BAG5: variants seen among roughly 807,000 people sequenced by gnomAD.
The protein encoded by BAG5 is BAG cochaperone 5, also known as BAG family molecular chaperone regulator 5.
Under a neutral mutation model 31.8 loss-of-function variants are expected in BAG5, and 25 were observed. That is an observed-to-expected ratio of 0.79 (90% CI 0.57 to 1.10). The LOEUF is 1.10. Among genes scored for constraint, BAG5 ranks in the 50% least tolerant of loss-of-function variants. The pLI is 0.00. For missense variants in BAG5, 491 were observed against 527.9 expected, an observed-to-expected ratio of 0.93 and a Z score of 0.68; for synonymous variants, 208 against 205.0, an observed-to-expected ratio of 1.01 and a Z score of -0.13.
intron 1 of BAG5, 142 bp from the exon 2 acceptor site, chr14:103,561,334 G>A: frequency 1.2e-6 from 1 of 817,632 alleles, no homozygotes. Context: ...CCAGTAGCTG[G>A]GTCTACAGTC....
chr14:103,557,623 T>C lies in BAG5; in HGVS notation c.*2198A>G, dbSNP rs1461528027. 1 of 152,200 alleles carries C rather than the reference T, an allele frequency of 6.6e-6. No homozygotes were observed. The highest frequency in any genetic ancestry group is 2.4e-5 in the African/African-American group (1 of 41,450). The allele number at this position is 152,200 out of a possible 1,614,324, so 9.4% of individuals were successfully genotyped here. On this transcript the variant is annotated 3_prime_UTR_variant, in exon 2 of 2. Coordinates refer to ENST00000299204, the MANE Select transcript of BAG5 (RefSeq NM_001015048.3). ...TACAAAATGAAATTTAAAATGTAAG[T>C]AGTACTCTGGGGAAGAATATGCCTG...
At chr14:103,562,286 G>A (rs1477574809) in intron 1 of BAG5, 3 of 439,974 alleles carry the variant, frequency 6.8e-6, no homozygotes, top group East Asian at 9.0e-5. Context: ...AGCCGCTCCG[G>A]GCGTCTTGGC....
At position 103,561,997 on chromosome 14, in the gene BAG5, T is replaced by C. The variant is rs115028071; in HGVS notation, c.-29+619A>G. 2,160 of 1,613,100 alleles carry C rather than the reference T, an allele frequency of 1.3e-3. 31 individuals are homozygous for C. In the African/African-American group the frequency reaches 0.024, roughly 18 times the overall value. ...CGGCTCGCTCAAGGTGGGTAACCAA[T>C]GGAAACGCATAATCTATCCCCGGCG... On this transcript the variant is annotated intron_variant, in intron 1 of 1. Transcript: ENST00000299204.
At position 103,559,657 on chromosome 14, in the gene BAG5, AT is replaced by A; in HGVS notation, c.*163del. On this transcript the variant is annotated 3_prime_UTR_variant, in exon 2 of 2. Coordinates refer to ENST00000299204, the MANE Select transcript of BAG5 (RefSeq NM_001015048.3). ...GGAAAAGTTAACGTGCTGTAATGAT[AT>A]TTGTCTTGCAACATCAAAAGCAGCA... is the stretch of plus-strand genomic sequence containing the variant. The A allele has an allele frequency of 1.3e-6, 1 of 761,864 alleles. No individual in the cohort carries two copies. Among genetic ancestry groups the A allele is most frequent in the East Asian group, 2.7e-5 (1 of 37,700 alleles). 47.2% of individuals were successfully genotyped at this position (761,864 alleles called of 1,614,324 possible).
rs774510576 is a variant in BAG5, at chr14:103,559,693, T to C, written c.*128A>G. 3.6e-6 allele frequency: 4 copies of C among 1,112,160 alleles called. No individual in the cohort carries two copies. Among genetic ancestry groups the C allele is most frequent in the Non-Finnish European group, 5.1e-6 (4 of 787,558 alleles). 68.9% of individuals were successfully genotyped at this position (1,112,160 alleles called of 1,614,324 possible). A position where few individuals can be genotyped will look rare whatever the true frequency, so the allele number is the denominator to read the frequency against. On this transcript the variant is annotated 3_prime_UTR_variant, in exon 2 of 2. Coordinates refer to ENST00000299204, the MANE Select transcript of BAG5 (RefSeq NM_001015048.3). ...AACATCAAAAGCAGCAGATACTGAA[T>C]AGAATTTGCTTCAATCATAAATACT...
Position 103,560,235 on chromosome 14 carries a change from C to A in BAG5, c.930G>T (p.Leu310Phe), listed in dbSNP as rs1188119484. ...SELYLSSKTELQGLIGQLDEV... is the reference protein window; with the variant it reads ...SELYLSSKTEFQGLIGQLDEV... ...CATCCAACTGTCCAATTAAACCCTG[C>A]AATTCTGTTTTGGAGCTCAGGTACA... is the stretch of plus-strand genomic sequence containing the variant. The change falls in exon 2 of 2, where the codon TTG becomes TTT. Residue 310 changes from leucine to phenylalanine, a missense_variant. Transcript: ENST00000299204. The A allele has an allele frequency of 1.9e-6, 3 of 1,614,008 alleles. No homozygotes were observed. Among genetic ancestry groups the A allele is most frequent in the African/African-American group, 2.7e-5 (2 of 74,902 alleles).
intron 1 of BAG5, 184 bp downstream of exon 1, chr14:103,562,432 C>G (rs1021010137): frequency 9.4e-6 from 2 of 212,090 alleles, no homozygotes; most frequent in African/African-American, 4.8e-5. Flanking sequence ...CCCGGCCAGC[C>G]CCGGTCGCTT....
intron 1 of BAG5, chr14:103,561,707 T>G: frequency 3.6e-6 from 2 of 558,676 alleles, no homozygotes; most frequent in Non-Finnish European, 3.2e-6. Context: ...TCCCCACCCT[T>G]TTAGCTCCTC....
In BAG5 at chr14:103,558,352, G is replaced by A. The variant is rs1226978806; in HGVS notation, c.*1469C>T. On this transcript the variant is annotated 3_prime_UTR_variant, in exon 2 of 2. Coordinates refer to ENST00000299204, the MANE Select transcript of BAG5 (RefSeq NM_001015048.3). ...AGCTAGCTACTTTGAGCTGTTTAAA[G>A]TGACTATCTCCCTACACAGAGTTAC... 6.6e-6 allele frequency: 1 copy of A among 152,182 alleles called. No homozygotes were observed. Among genetic ancestry groups the A allele is most frequent in the African/African-American group, 2.4e-5 (1 of 41,434 alleles). 9.4% of individuals were successfully genotyped at this position (152,182 alleles called of 1,614,324 possible).
At chr14:103,562,271 G>C (rs1021062301) in intron 1 of BAG5, 7 of 459,892 alleles carry the variant, frequency 1.5e-5, no homozygotes, top group Non-Finnish European at 2.4e-5. Context: ...GCTACTGGCT[G>C]CAGCAGCCGC....
Position 103,560,942 on chromosome 14 carries a change from T to A in BAG5, c.223A>T (p.Thr75Ser), listed in dbSNP as rs746683814. Residue 75 changes from threonine to serine, a missense_variant, in exon 2 of 2, where the codon ACA (threonine) becomes TCA (serine). Coordinates refer to ENST00000299204, the MANE Select transcript of BAG5 (RefSeq NM_001015048.3). ...TCCAACTCTTTGAGAAGACGTTCTGTCTCCTGTGCTGCCCGCTTCCTAGCT... is the reference window on the plus strand; with the variant it reads ...TCCAACTCTTTGAGAAGACGTTCTGACTCCTGTGCTGCCCGCTTCCTAGCT... ...QQARKRAAQE[T>S]ERLLKELEQN... is the part of the protein sequence containing the mutation. The A allele has an allele frequency of 6.2e-6, 10 of 1,614,082 alleles. No homozygotes were observed. In the South Asian group the frequency reaches 1.1e-4, roughly 18 times the overall value.
chr14:103,562,329 C>T (rs1277755693), intron 1 of BAG5: 2 of 351,162 alleles, frequency 5.7e-6, no homozygotes, highest in Non-Finnish European at 1.1e-5. Flanking sequence ...AGGACGTGAC[C>T]TCACAATGGG....
chr14:103,561,363 C>T (rs1381486568), intron 1 of BAG5, among the ~76,000 whole-genome samples, 171 bp from the exon 2 acceptor site: 1 of 152,182 alleles, frequency 6.6e-6, no homozygotes, highest in Non-Finnish European at 1.5e-5. Context: ...CTACGCCCAG[C>T]TAATGTTATT....
Position 103,557,393 on chromosome 14 carries a change from A to G in BAG5, c.*2428T>C, listed in dbSNP as rs1328157619. ...AGAAACAAAGCCATGCCTGACAGTCAATCAAGGTCAATCTGATCATTTCCA... is the reference window on the plus strand; with the variant it reads ...AGAAACAAAGCCATGCCTGACAGTCGATCAAGGTCAATCTGATCATTTCCA... On this transcript the variant is annotated 3_prime_UTR_variant, in exon 2 of 2. Coordinates refer to ENST00000299204, the MANE Select transcript of BAG5 (RefSeq NM_001015048.3). The G allele has an allele frequency of 6.6e-6, 1 of 152,202 alleles. No individual in the cohort carries two copies. Among genetic ancestry groups the G allele is most frequent in the Non-Finnish European group, 1.5e-5 (1 of 68,020 alleles). 9.4% of individuals were successfully genotyped at this position (152,202 alleles called of 1,614,324 possible). A position where few individuals can be genotyped will look rare whatever the true frequency, so the allele number is the denominator to read the frequency against.
At position 103,560,136 on chromosome 14, in the gene BAG5, G is replaced by T; in HGVS notation, c.1029C>A (p.Ile343=). The change falls in exon 2 of 2, where the codon ATC becomes ATA. Residue 343 remains isoleucine, a synonymous_variant. Coordinates refer to ENST00000299204, the MANE Select transcript of BAG5 (RefSeq NM_001015048.3). Reference sequence around the variant, plus strand: ...GGGCCTCCTTCAAGTCAATATATGTGATCAGAGTTTGCACCTCGATCACTG... The same window carrying T: ...GGGCCTCCTTCAAGTCAATATATGTTATCAGAGTTTGCACCTCGATCACTG... ...RRAVIEVQTL[I]TYIDLKEALE... The T allele has an allele frequency of 6.2e-7, 1 of 1,614,112 alleles. No individual in the cohort carries two copies. Among genetic ancestry groups the T allele is most frequent in the South Asian group, 1.1e-5 (1 of 91,080 alleles).
In BAG5 at chr14:103,561,169, T is replaced by C. The variant is rs372359623; in HGVS notation, c.-5A>G. ...ATGTTGGTTTCCCATATCCATACTT[T>C]TGTTGTGTTCAGTTTCACAAGCACT... On this transcript the variant is annotated 5_prime_UTR_variant, in exon 2 of 2. Transcript: ENST00000299204. The C allele has an allele frequency of 6.3e-5, 101 of 1,595,706 alleles. No homozygotes were observed. In the Middle Eastern group the frequency reaches 1.5e-3, roughly 24 times the overall value.
intron 1 of BAG5, chr14:103,561,867 AAC>A (rs1555411804): frequency 6.8e-7 from 1 of 1,479,226 alleles, no homozygotes; most frequent in Non-Finnish European, 9.4e-7. Flanking sequence ...CTCAAAAAAA[AAC>A]AACCCGCGAA....
At chr14:103,562,175 G>A (rs1354416669) in intron 1 of BAG5, 5 of 618,372 alleles carry the variant, frequency 8.1e-6, no homozygotes, top group Admixed American at 7.8e-5. Flanking sequence ...AGCCCTTTAC[G>A]GGGTGCGGCA....
At chr14:103,562,373 CCGGGGGAGGA>C in intron 1 of BAG5, 1 of 276,744 alleles carries the variant, frequency 3.6e-6, no homozygotes, top group African/African-American at 2.3e-5. Flanking sequence ...CCGGGGGAAG[CCGGGGGAGGA>C]GGGGAACCGA....
Sources: gnomAD v4.1 joint callset for allele counts (sites outside exome capture counted in the v4.1 genomes callset) on GRCh38, gnomAD v4.1.1 for gene constraint, MANE v1.5 for transcripts, NCBI Gene and HGNC (gene_info 2026-07-23, HGNC 2026-07-21) for gene names.